Variants in RBP4 observed in about 807,000 individuals in gnomAD.
RBP4 encodes retinol binding protein 4, also known as retinol-binding protein 4.
A neutral mutation model predicts 26.2 loss-of-function variants in RBP4; 9 were observed. The ratio of observed to expected loss-of-function variants is 0.34; its 90% CI spans 0.21 to 0.60. The LOEUF (loss-of-function observed/expected upper bound fraction) is 0.60, where lower values mean the gene tolerates loss of function less well. RBP4 is among the 20% of genes least tolerant of loss of function. The pLI is 0.80. For missense variants in RBP4, 244 were observed against 271.3 expected (o/e 0.90, Z 0.71); for synonymous variants, 114 against 111.0 (o/e 1.03, Z -0.17).
intron 3 of RBP4, 46 bp from the exon 4 acceptor site, chr10:93,600,545 C>G (rs772902279): frequency 3.1e-6 from 5 of 1,610,784 alleles, no homozygotes; most frequent in Non-Finnish European, 4.2e-6. Flanking sequence ...CAAAGGGCTT[C>G]CTCCCTCCCT....
intron 5 of RBP4, among the ~76,000 whole-genome samples, chr10:93,592,666 G>A (rs1034093726): frequency 1.3e-5 from 2 of 151,938 alleles, no homozygotes; most frequent in African/African-American, 2.4e-5. Context: ...TGCTTCCTAC[G>A]GTGCCCTGCT....
upstream of RBP4, chr10:93,601,334 G>C: frequency 1.6e-6 from 2 of 1,232,034 alleles, no homozygotes; most frequent in Non-Finnish European, 2.0e-6. Flanking sequence ...AGGCGCCGGG[G>C]GCACTTGCAT....
intron 4 of RBP4, among the ~76,000 whole-genome samples, chr10:93,599,256 A>T (rs2058320336): frequency 6.6e-6 from 1 of 150,728 alleles, no homozygotes; most frequent in Non-Finnish European, 1.5e-5. Context: ...CTAAAAAAAA[A>T]ATAATAATAA....
intron 4 of RBP4, among the ~76,000 whole-genome samples, chr10:93,596,261 T>A (rs914940946): frequency 6.6e-6 from 1 of 152,032 alleles, no homozygotes; most frequent in Non-Finnish European, 1.5e-5. Flanking sequence ...ACAGAGGAAT[T>A]AAGTAACTTT....
upstream of RBP4, chr10:93,601,540 G>A (rs1019187304): frequency 3.2e-5 from 21 of 656,086 alleles, no homozygotes; most frequent in Non-Finnish European, 5.7e-5. Context: ...GGCCTCCGGG[G>A]CCAGTGGCTC....
chr10:93,600,380 G>A lies in RBP4; in HGVS notation c.355+13C>T. ...CCCATTCCCAAGACAGTCCCACAGA[G>A]CTGACTACTCACTTCCTTTCTGGAG... On this transcript the variant is annotated intron_variant, in intron 4 of 5. Transcript: ENST00000371464. 6.2e-7 allele frequency: 1 copy of A among 1,609,652 alleles called. No individual in the cohort carries two copies. The highest frequency in any genetic ancestry group is 8.5e-7 in the Non-Finnish European group (1 of 1,175,930).
chr10:93,600,383 G>T lies in RBP4; in HGVS notation c.355+10C>A. The T allele has an allele frequency of 6.2e-7, 1 of 1,611,106 alleles. No individual in the cohort carries two copies. Among genetic ancestry groups the T allele is most frequent in the Non-Finnish European group, 8.5e-7 (1 of 1,177,306 alleles). On this transcript the variant is annotated intron_variant, in intron 4 of 5. Transcript: ENST00000371464. ...ATTCCCAAGACAGTCCCACAGAGCTGACTACTCACTTCCTTTCTGGAGAAA... is the reference window on the plus strand; with the variant it reads ...ATTCCCAAGACAGTCCCACAGAGCTTACTACTCACTTCCTTTCTGGAGAAA...
chr10:93,595,549 G>A (rs1278910378), intron 4 of RBP4, among the ~76,000 whole-genome samples: 1 of 152,190 alleles, frequency 6.6e-6, no homozygotes, highest in East Asian at 1.9e-4. Context: ...CGGGAGAGGG[G>A]CAAGAAACAA....
intron 4 of RBP4, 95 bp from the exon 5 acceptor site, chr10:93,594,130 T>C: frequency 1.7e-6 from 2 of 1,172,484 alleles, no homozygotes; most frequent in Non-Finnish European, 2.5e-6. Context: ...ACACAGTGAC[T>C]TCCAGAAGCT....
At chr10:93,597,683 T>C (rs2058310886) in intron 4 of RBP4, among the ~76,000 whole-genome samples, 1 of 152,138 alleles carries the variant, frequency 6.6e-6, no homozygotes, top group African/African-American at 2.4e-5. Flanking sequence ...TAGAGATTGA[T>C]CACATTTAAT....
chr10:93,600,400 C>A lies in RBP4; in HGVS notation c.348G>T (p.Gln116His), dbSNP rs755349479. The A allele has an allele frequency of 3.7e-6, 6 of 1,613,930 alleles. No homozygotes were observed. The African/African-American group carries it at 8.0e-5, about 22-fold the overall frequency. ...ACAGAGCTGACTACTCACTTCCTTTCTGGAGAAAGGAGGCTACGCCCCAGT... is the reference window on the plus strand; with the variant it reads ...ACAGAGCTGACTACTCACTTCCTTTATGGAGAAAGGAGGCTACGCCCCAGT... ...MKYWGVASFL[Q>H]KGNDDHWIVD... is the part of the protein sequence containing the mutation. Residue 116 changes from glutamine to histidine, a missense_variant, in exon 4 of 6, where the codon CAG (glutamine) becomes CAT (histidine). Physicochemically the swap from Gln to His is conservative, Grantham distance 24. Transcript: ENST00000371464.
At chr10:93,596,114 A>G (rs994157983) in intron 4 of RBP4, among the ~76,000 whole-genome samples, 6 of 149,738 alleles carry the variant, frequency 4.0e-5, no homozygotes, top group African/African-American at 1.2e-4. Flanking sequence ...TGTCACAGGC[A>G]CCCTCAGACA....
chr10:93,592,158 G>A (rs1268487459), intron 5 of RBP4, 46 bp from the exon 6 acceptor site: 2 of 1,550,090 alleles, frequency 1.3e-6, no homozygotes, highest in South Asian at 2.2e-5. Flanking sequence ...AGTGGACCCA[G>A]TTTTTATGTA....
intron 4 of RBP4, among the ~76,000 whole-genome samples, chr10:93,594,348 C>T (rs1222827464): frequency 2.6e-5 from 4 of 152,180 alleles, no homozygotes; most frequent in Non-Finnish European, 5.9e-5. Flanking sequence ...AATGTGGGCT[C>T]ATCAAAACCA....
intron 1 of RBP4, 25 bp downstream of exon 1, chr10:93,601,146 C>T (rs1013045382): frequency 6.8e-7 from 1 of 1,477,286 alleles, no homozygotes; most frequent in Admixed American, 2.2e-5. Context: ...CCGCCGCCGG[C>T]CCCGAGGCCC....
chr10:93,592,459 A>AC (rs1357784436), intron 5 of RBP4, among the ~76,000 whole-genome samples: 58 of 152,318 alleles, frequency 3.8e-4, no homozygotes, highest in African/African-American at 1.3e-3. Flanking sequence ...AGGCAGCCTG[A>AC]CCTGGGACAC....
At chr10:93,598,288 G>A (rs2134572604) in intron 4 of RBP4, among the ~76,000 whole-genome samples, 1 of 152,302 alleles carries the variant, frequency 6.6e-6, no homozygotes, top group East Asian at 1.9e-4. Flanking sequence ...AGTGCTTTCT[G>A]CCTGTTGACT....
intron 5 of RBP4, among the ~76,000 whole-genome samples, chr10:93,592,840 C>A (rs2058276391): frequency 6.6e-6 from 1 of 151,698 alleles, no homozygotes. Flanking sequence ...TTTTTTGAGG[C>A]AGAATCTTGC....
At position 93,601,089 on chromosome 10, in the gene RBP4, C is replaced by CGG. The variant is rs370761315; in HGVS notation, c.-18-44_-18-43insCC. 0.074 allele frequency: 117,185 copies of CGG among 1,586,674 alleles called. 4,935 individuals are homozygous for CGG. The highest frequency in any genetic ancestry group is 0.11 in the Middle Eastern group (544 of 4,762). On this transcript the variant is annotated intron_variant, in intron 1 of 5. Transcript: ENST00000371464. ...CCGTCAGTGCCCGGCAGCCGACCCC[C>CGG]GCCGCCGTATCCCACCTCACCCCAC...
Sources: allele counts gnomAD v4.1 joint callset (sites outside exome capture counted in the v4.1 genomes callset), GRCh38; gene constraint gnomAD v4.1.1; transcripts MANE v1.5; gene names NCBI Gene and HGNC (gene_info 2026-07-23, HGNC 2026-07-21).